HCN3: variants seen among roughly 807,000 people sequenced by gnomAD.
HCN3 encodes potassium/sodium hyperpolarization-activated cyclic nucleotide-gated channel 3.
A neutral mutation model predicts 56.8 loss-of-function variants in HCN3; 36 were observed. That is an observed-to-expected ratio of 0.63 (90% CI 0.49 to 0.84). The LOEUF is 0.84. Among genes scored for constraint, HCN3 ranks in the 40% least tolerant of loss-of-function variants. The pLI, the probability that HCN3 is intolerant of heterozygous loss-of-function variation, is 0.00. For synonymous variants in HCN3, 425 were observed against 439.7 expected, an observed-to-expected ratio of 0.97 and a Z score of 0.42; for missense variants, 930 against 1,079.3, an observed-to-expected ratio of 0.86 and a Z score of 1.94.
Position 155,281,764 on chromosome 1 carries a change from C to T in HCN3, c.279-647C>T, listed in dbSNP as rs541049877. Among the ~76,000 whole-genome samples, 104 of 150,994 alleles carry T rather than the reference C, an allele frequency of 6.9e-4. 2 individuals carry two copies. In the South Asian group the frequency reaches 0.02, roughly 29 times the overall value. ...GTGATCCCACTTTGGCCTCCCAAAG[C>T]GCTGGGATTACAGGCGTGAGCCATA... On this transcript the variant is annotated intron_variant, in intron 1 of 7. Transcript: ENST00000368358.
chr1:155,286,388 G>A lies in HCN3; in HGVS notation c.1477+424G>A, dbSNP rs200721240. ...TCTCGATCTCCTGACCTCGTGATCC[G>A]CCCGCCTCAGCCTCCCAAAGTGCTG... On this transcript the variant is annotated intron_variant, in intron 6 of 7. Coordinates refer to ENST00000368358, the MANE Select transcript of HCN3 (RefSeq NM_020897.3). Among the ~76,000 whole-genome samples the A allele has an allele frequency of 2.7e-4, 41 of 152,170 alleles. No homozygotes were observed. The East Asian group carries it at 5.8e-3, about 21-fold the overall frequency.
chr1:155,283,185 G>C (rs1317165691), intron 2 of HCN3, among the ~76,000 whole-genome samples: 2 of 152,106 alleles, frequency 1.3e-5, no homozygotes, highest in African/African-American at 2.4e-5. Flanking sequence ...AGAGTTTAGT[G>C]GTTCAGACTG....
rs1198972840 is a variant in HCN3, at chr1:155,282,928, A to G, written c.708+88A>G. The G allele has an allele frequency of 1.5e-6, 2 of 1,325,110 alleles. No homozygotes were observed. The highest frequency in any genetic ancestry group is 2.1e-6 in the Non-Finnish European group (2 of 972,472). The allele number at this position is 1,325,110 out of a possible 1,614,324, so 82.1% of individuals were successfully genotyped here. On this transcript the variant is annotated intron_variant, in intron 2 of 7. Coordinates refer to ENST00000368358, the MANE Select transcript of HCN3 (RefSeq NM_020897.3). The surrounding 1 kb of genome is among the most constrained non-coding windows in gnomAD (Gnocchi z 4.7). ...GCGGCTGGTGGACTTCTCTAGGAAG[A>G]TGCTATGGGTGGGGCTCCTGGTGAC...
Position 155,277,683 on chromosome 1 carries a change from C to A in HCN3, c.93C>A (p.Thr31=), listed in dbSNP as rs1193453925. 2.6e-6 allele frequency: 4 copies of A among 1,561,940 alleles called. No individual in the cohort carries two copies. Among genetic ancestry groups the A allele is most frequent in the Admixed American group, 1.9e-5 (1 of 51,994 alleles). The change falls in exon 1 of 8, where the codon ACC becomes ACA. Residue 31 remains threonine, a synonymous_variant. Coordinates refer to ENST00000368358, the MANE Select transcript of HCN3 (RefSeq NM_020897.3). ...AVPPVAPPPA[T]AASGPIPKSG... is the part of the protein sequence containing the mutation. The stretch of plus-strand genomic sequence containing the variant: ...CTCCCGTTGCTCCCCCGCCTGCGAC[C>A]GCGGCCTCAGGTCCGATCCCCAAAT...
Position 155,285,308 on chromosome 1 carries a change from C to T in HCN3, c.1233C>T (p.Arg411=), listed in dbSNP as rs375697973. The T allele has an allele frequency of 2.9e-4, 469 of 1,613,808 alleles. 1 individual carries two copies. Among genetic ancestry groups the T allele is most frequent in the South Asian group, 2.3e-3 (209 of 91,034 alleles). Residue 411 remains arginine (R), a synonymous_variant, in exon 5 of 8, where the codon CGC becomes CGT. Transcript: ENST00000368358. The surrounding 1 kb of genome is among the most constrained non-coding windows in gnomAD (Gnocchi z 4.5). ...SILGELSEPL[R]EEIINFTCRG... is the part of the protein sequence containing the mutation. ...TGGGCGAGCTGAGCGAGCCGCTTCG[C>T]GAGGTGGGGCTGGGTTGGGCCTGGA...
intron 7 of HCN3, among the ~76,000 whole-genome samples, 172 bp from the exon 8 acceptor site, chr1:155,287,609 C>T (rs1674341269): frequency 6.6e-6 from 1 of 151,928 alleles, no homozygotes; most frequent in African/African-American, 2.4e-5. Context: ...TGATACATAC[C>T]CTCTTCCTCC....
chr1:155,283,987 C>A lies in HCN3; in HGVS notation c.722C>A (p.Thr241Asn). ...CGGACTCCTCAGATCTTTCACATGA[C>A]CTATGACCTGGCCAGTGCTGTGGTT... Reference protein sequence around the residue: ...IHQWEEIFHMTYDLASAVVRI... With the variant: ...IHQWEEIFHMNYDLASAVVRI... Residue 241 changes from threonine to asparagine, a missense_variant, in exon 3 of 8, where the codon ACC (threonine) becomes AAC (asparagine). Thr to Asn is a moderately conservative substitution (Grantham distance 65). Transcript: ENST00000368358. 6.2e-7 allele frequency: 1 copy of A among 1,613,994 alleles called. No homozygotes were observed. Among genetic ancestry groups the A allele is most frequent in the Non-Finnish European group, 8.5e-7 (1 of 1,179,924 alleles).
In HCN3 at chr1:155,284,140, G is replaced by A. The variant is rs1177722720; in HGVS notation, c.870+5G>A. On this transcript the variant is annotated splice_donor_5th_base_variant and intron_variant, in intron 3 of 7. Transcript: ENST00000368358. This position sits in a 1 kb window ranked among gnomAD's most constrained non-coding sequence, Gnocchi z 4.3. ...GTCTCCATCAACCACATGGTGGTGA[G>A]AAGTCCCCACAGCTCTGCCTTTCCT... is the stretch of plus-strand genomic sequence containing the variant. The A allele has an allele frequency of 3.1e-6, 5 of 1,613,630 alleles. No individual in the cohort carries two copies.
At position 155,287,847 on chromosome 1, in the gene HCN3, T is replaced by C. The variant is rs768588337; in HGVS notation, c.1709T>C (p.Met570Thr). 7.4e-6 allele frequency: 12 copies of C among 1,613,448 alleles called. No individual in the cohort carries two copies. The highest frequency in any genetic ancestry group is 1.1e-5 in the South Asian group (1 of 91,028). The stretch of plus-strand genomic sequence containing the variant: ...AGTCCAGGCAGCAGTGGTGGCATCA[T>C]GGAGCAGCACTTGGTGCAACATGAC... ...EPSPGSSGGI[M>T]EQHLVQHDRD... Residue 570 changes from methionine to threonine, a missense_variant, in exon 8 of 8, where the codon ATG becomes ACG. Physicochemically the swap from Met to Thr is moderately conservative, Grantham distance 81 (BLOSUM62 -1). Transcript: ENST00000368358.
Position 155,287,725 on chromosome 1 carries a change from A to G in HCN3, c.1643-56A>G, listed in dbSNP as rs573979346. Reference sequence around the variant, plus strand: ...ACTCTCATACTCTTTGATATCCAACATCCATCTTGGATTCCTTCCCTATCC... The same window carrying G: ...ACTCTCATACTCTTTGATATCCAACGTCCATCTTGGATTCCTTCCCTATCC... On this transcript the variant is annotated intron_variant, in intron 7 of 7. Transcript: ENST00000368358. 4.6e-6 allele frequency: 7 copies of G among 1,533,672 alleles called. No individual in the cohort carries two copies. In the East Asian group the frequency reaches 1.1e-4, roughly 25 times the overall value.
chr1:155,286,065 C>A lies in HCN3; in HGVS notation c.1477+101C>A. 7 of 1,452,594 alleles carry A rather than the reference C, an allele frequency of 4.8e-6. No individual in the cohort carries two copies. In the South Asian group the frequency reaches 8.3e-5, roughly 17 times the overall value. 90.0% of individuals were successfully genotyped at this position (1,452,594 alleles called of 1,614,324 possible). On this transcript the variant is annotated intron_variant, in intron 6 of 7. Transcript: ENST00000368358. ...CCTGCCTCAGTACGCTGCAGAATCA[C>A]AGAGCTCCAGCCCCTCCCCAGGCCT... is the stretch of plus-strand genomic sequence containing the variant.
intron 1 of HCN3, among the ~76,000 whole-genome samples, chr1:155,279,960 A>AT (rs1673954037): frequency 6.6e-6 from 1 of 151,816 alleles, no homozygotes; most frequent in African/African-American, 2.4e-5. Context: ...TTGTTTATTT[A>AT]TTTTGAGAAG....
intron 1 of HCN3, among the ~76,000 whole-genome samples, chr1:155,280,681 G>A (rs1674000687): frequency 1.4e-5 from 2 of 143,752 alleles, no homozygotes; most frequent in Admixed American, 1.4e-4. Flanking sequence ...CTTGTGATCT[G>A]CCCACCTTGG....
rs1439608508 is a variant in HCN3 at position 155,282,922 on chromosome 1, A to G, written c.708+82A>G. The G allele has an allele frequency of 7.3e-7, 1 of 1,364,704 alleles. No individual in the cohort carries two copies. The highest frequency in any genetic ancestry group is 9.9e-7 in the Non-Finnish European group (1 of 1,006,736). The allele number at this position is 1,364,704 out of a possible 1,614,324, so 84.5% of individuals were successfully genotyped here. On this transcript the variant is annotated intron_variant, in intron 2 of 7. Coordinates refer to ENST00000368358, the MANE Select transcript of HCN3 (RefSeq NM_020897.3). The surrounding 1 kb of genome is among the most constrained non-coding windows in gnomAD (Gnocchi z 4.7). ...GGCGGGGCGGCTGGTGGACTTCTCT[A>G]GGAAGATGCTATGGGTGGGGCTCCT... is the stretch of plus-strand genomic sequence containing the variant.
chr1:155,278,373 A>C (rs1572031911), intron 1 of HCN3: 1 of 147,320 alleles, frequency 6.8e-6, no homozygotes, highest in Non-Finnish European at 1.5e-5. Flanking sequence ...GGGGGTCCAG[A>C]CCTCAGCTCT....
chr1:155,277,653 G>T lies in HCN3; in HGVS notation c.63G>T (p.Ala21=), dbSNP rs958242116. 3 of 1,554,498 alleles carry T rather than the reference G, an allele frequency of 1.9e-6. No homozygotes were observed. The South Asian group carries it at 3.6e-5, about 18-fold the overall frequency. Residue 21 remains alanine (A), a synonymous_variant, in exon 1 of 8, where the codon GCG becomes GCT. Coordinates refer to ENST00000368358, the MANE Select transcript of HCN3 (RefSeq NM_020897.3). ...AAGGGGCGACCCCTGGACTGGAGGC[G>T]GTGCCTCCCGTTGCTCCCCCGCCTG... ...ASEGATPGLE[A]VPPVAPPPAT... is the part of the protein sequence containing the mutation.
At position 155,284,376 on chromosome 1, in the gene HCN3, C is replaced by A; in HGVS notation, c.871-163C>A. 3.4e-6 allele frequency: 3 copies of A among 878,752 alleles called. No homozygotes were observed. The highest frequency in any genetic ancestry group is 5.1e-6 in the Non-Finnish European group (3 of 590,470). 54.4% of individuals were successfully genotyped at this position (878,752 alleles called of 1,614,324 possible). A position where few individuals can be genotyped will look rare whatever the true frequency, so the allele number is the denominator to read the frequency against. On this transcript the variant is annotated intron_variant, in intron 3 of 7. Coordinates refer to ENST00000368358, the MANE Select transcript of HCN3 (RefSeq NM_020897.3). This position sits in a 1 kb window ranked among gnomAD's most constrained non-coding sequence, Gnocchi z 4.3. ...GAGGCCCCCAAGTTGCAATAGAGGA[C>A]CCTTTTGCCTCAGGGCCCCCCAGAA...
In HCN3 at chr1:155,284,127, C is replaced by A; in HGVS notation, c.862C>A (p.His288Asn). Reference sequence around the variant, plus strand: ...TCCCGACTGCTGGGTCTCCATCAACCACATGGTGGTGAGAAGTCCCCACAG... The same window carrying A: ...TCCCGACTGCTGGGTCTCCATCAACAACATGGTGGTGAGAAGTCCCCACAG... ...FPPDCWVSIN[H>N]MVNHSWGRQY... Residue 288 changes from histidine to asparagine, a missense_variant, in exon 3 of 8, where the codon CAC becomes AAC. Coordinates refer to ENST00000368358, the MANE Select transcript of HCN3 (RefSeq NM_020897.3). This position sits in a 1 kb window ranked among gnomAD's most constrained non-coding sequence, Gnocchi z 4.3. The A allele has an allele frequency of 6.2e-7, 1 of 1,614,006 alleles. No homozygotes were observed. The highest frequency in any genetic ancestry group is 2.2e-5 in the East Asian group (1 of 44,904).
chr1:155,277,553 G>A lies in HCN3; in HGVS notation c.-38G>A. On this transcript the variant is annotated 5_prime_UTR_variant, in exon 1 of 8. Coordinates refer to ENST00000368358, the MANE Select transcript of HCN3 (RefSeq NM_020897.3). ...TTGCGGGTACCTGATGGCCACAGAG[G>A]GCTCTAGGAGGCCGAGCGTGTAAGC... The A allele has an allele frequency of 6.5e-7, 1 of 1,533,984 alleles. No homozygotes were observed. Among genetic ancestry groups the A allele is most frequent in the East Asian group, 2.4e-5 (1 of 42,142 alleles).
Sources: allele counts gnomAD v4.1 joint callset (sites outside exome capture counted in the v4.1 genomes callset), GRCh38; gene constraint gnomAD v4.1.1; non-coding constraint Gnocchi (gnomAD v3.1); transcripts MANE v1.5; gene names NCBI Gene and HGNC (gene_info 2026-07-23, HGNC 2026-07-21).